The following TTC39B variants were observed in gnomAD, a reference collection of about 807,000 sequenced individuals.
TTC39B encodes the protein tetratricopeptide repeat domain 39B, also known as tetratricopeptide repeat protein 39B.
In TTC39B, 92 loss-of-function variants were observed where a neutral mutation model predicts 96.6. The ratio of observed to expected loss-of-function variants is 0.95; its 90% confidence interval spans 0.80 to 1.13. The LOEUF is 1.13. TTC39B is among the 50% of genes most tolerant of loss of function. The pLI is 0.00. For missense variants in TTC39B, 955 were observed against 809.3 expected, an observed-to-expected ratio of 1.18 and a Z score of -2.18; for synonymous variants, 367 against 299.4, an observed-to-expected ratio of 1.23 and a Z score of -2.33.
chr9:15,260,820 C>CT (rs1041215336), intron 2 of TTC39B, among the ~76,000 whole-genome samples: 2 of 128,898 alleles, frequency 1.6e-5, no homozygotes, highest in African/African-American at 9.1e-5. Context: ...AATTACCTGG[C>CT]TAAAAAAATC....
chr9:15,226,327 A>G (rs1426963352), intron 2 of TTC39B, among the ~76,000 whole-genome samples: 1 of 152,242 alleles, frequency 6.6e-6, no homozygotes, highest in East Asian at 1.9e-4. Context: ...AAGTAAATCT[A>G]TACATATTTT....
In TTC39B at chr9:15,301,085, A is replaced by T. The variant is rs908335162; in HGVS notation, c.240+5999T>A. ...TTCCCGCCCATCTCAACTTCCCCCA[A>T]GGCCTTCCCACTGGGGAGCCCAACA... On this transcript the variant is annotated intron_variant, in intron 1 of 19. Transcript: ENST00000512701. 3.9e-5 allele frequency among the ~76,000 whole-genome samples: 6 copies of T among 151,962 alleles called. No homozygotes were observed. In the East Asian group the frequency reaches 7.7e-4, roughly 20 times the overall value.
chr9:15,299,863 T>C (rs1431644389), intron 1 of TTC39B, among the ~76,000 whole-genome samples: 1 of 152,082 alleles, frequency 6.6e-6, no homozygotes, highest in East Asian at 1.9e-4. Flanking sequence ...GAACTGATAC[T>C]TGTCTGCAGA....
In TTC39B at chr9:15,187,054, C is replaced by T. The variant is rs948561962; in HGVS notation, c.1396-19G>A. The T allele has an allele frequency of 6.3e-7, 1 of 1,591,054 alleles. No individual in the cohort carries two copies. Among genetic ancestry groups the T allele is most frequent in the Non-Finnish European group, 8.6e-7 (1 of 1,163,750 alleles). Reference sequence around the variant, plus strand: ...AAGTTGCCTTGAGAAAAAGAAGGAGCTTATTACAGAACATCCCTAGGTAAA... The same window carrying T: ...AAGTTGCCTTGAGAAAAAGAAGGAGTTTATTACAGAACATCCCTAGGTAAA... On this transcript the variant is annotated intron_variant, in intron 14 of 19. Coordinates refer to ENST00000512701, the Ensembl canonical transcript of TTC39B.
chr9:15,277,854 C>T (rs1458354748), intron 1 of TTC39B, among the ~76,000 whole-genome samples: 3 of 152,220 alleles, frequency 2.0e-5, no homozygotes, highest in African/African-American at 7.2e-5. Flanking sequence ...GTTCAAGCCA[C>T]GTCAATGGGA....
chr9:15,289,488 T>G (rs111493232), intron 1 of TTC39B, among the ~76,000 whole-genome samples: 4 of 152,338 alleles, frequency 2.6e-5, no homozygotes, highest in Non-Finnish European at 5.9e-5. Flanking sequence ...CCCCATTTGC[T>G]TGGTCAGGAG....
intron 6 of TTC39B, among the ~76,000 whole-genome samples, chr9:15,207,845 G>A (rs539024722): frequency 4.0e-5 from 6 of 151,092 alleles, no homozygotes; most frequent in South Asian, 4.3e-4. Context: ...TTAGCCAGGC[G>A]TGGTGGCGGG....
chr9:15,281,918 T>A (rs967053008), intron 1 of TTC39B, among the ~76,000 whole-genome samples: 1 of 152,124 alleles, frequency 6.6e-6, no homozygotes, highest in Non-Finnish European at 1.5e-5. Flanking sequence ...CCTCAAGTGA[T>A]CCACCCACCT....
In TTC39B at chr9:15,201,762, G is replaced by C. The variant is rs145384886; in HGVS notation, c.760-1837C>G. ...TCAAGGACACCTGTAAGGTGCGGGGGGCGGGTAGGGAACATAGAGAGGAGG... is the reference window on the plus strand; with the variant it reads ...TCAAGGACACCTGTAAGGTGCGGGGCGCGGGTAGGGAACATAGAGAGGAGG... On this transcript the variant is annotated intron_variant, in intron 7 of 19. Coordinates refer to ENST00000512701, the Ensembl canonical transcript of TTC39B. 3.8e-3 allele frequency among the ~76,000 whole-genome samples: 576 copies of C among 152,276 alleles called. 2 individuals are homozygous for C. Among genetic ancestry groups the C allele is most frequent in the Non-Finnish European group, 5.8e-3 (392 of 68,018 alleles).
chr9:15,222,781 C>T (rs1820918852), intron 3 of TTC39B, among the ~76,000 whole-genome samples: 1 of 152,200 alleles, frequency 6.6e-6, no homozygotes, highest in African/African-American at 2.4e-5. Context: ...CCCTAGACCC[C>T]TGTTCTGTTT....
At chr9:15,174,769 T>C (rs1415947171) in intron 19 of TTC39B, among the ~76,000 whole-genome samples, 1 of 152,172 alleles carries the variant, frequency 6.6e-6, no homozygotes, top group African/African-American at 2.4e-5. Context: ...TAAAATAAGT[T>C]AGAAATCTTT....
At chr9:15,208,182 G>A (rs959681769) in intron 6 of TTC39B, among the ~76,000 whole-genome samples, 6 of 151,308 alleles carry the variant, frequency 4.0e-5, no homozygotes, top group African/African-American at 1.5e-4. Flanking sequence ...GCGCCACCAT[G>A]CCTGGCTAAT....
At position 15,211,407 on chromosome 9, in the gene TTC39B, A is replaced by T; in HGVS notation, c.483-10T>A. ...CATACTCTCCTTAGCCCTGGGAAGA[A>T]CACAGGGAATTCAGACATTTTAATT... On this transcript the variant is annotated splice_polypyrimidine_tract_variant and intron_variant, in intron 4 of 19. Coordinates refer to ENST00000512701, the Ensembl canonical transcript of TTC39B. The T allele has an allele frequency of 6.8e-7, 1 of 1,472,758 alleles. No homozygotes were observed. Among genetic ancestry groups the T allele is most frequent in the Non-Finnish European group, 9.0e-7 (1 of 1,109,902 alleles). The allele number at this position is 1,472,758 out of a possible 1,614,324, so 91.2% of individuals were successfully genotyped here. A position where few individuals can be genotyped will look rare whatever the true frequency, so the allele number is the denominator to read the frequency against.
chr9:15,285,318 TTTAC>T (rs1387514972), intron 1 of TTC39B, among the ~76,000 whole-genome samples: 1 of 152,008 alleles, frequency 6.6e-6, no homozygotes, highest in Non-Finnish European at 1.5e-5. Context: ...TATTTGTTTG[TTTAC>T]TTTCAGTCTC....
intron 2 of TTC39B, among the ~76,000 whole-genome samples, chr9:15,250,413 GAAAAA>G (rs375036856): frequency 7.1e-6 from 1 of 139,944 alleles, no homozygotes; most frequent in Non-Finnish European, 1.6e-5. Context: ...GGACAATTAA[GAAAAA>G]AAAAAAAGAA....
chr9:15,193,924 G>C (rs1421664356), intron 8 of TTC39B, among the ~76,000 whole-genome samples: 2 of 152,170 alleles, frequency 1.3e-5, no homozygotes, highest in Non-Finnish European at 2.9e-5. Flanking sequence ...CGAATGAAAA[G>C]AGACTAAGGA....
At chr9:15,186,983 T>A (rs1240482667) in exon 15 of TTC39B, 1 of 1,613,638 alleles carries the variant, frequency 6.2e-7, no homozygotes, top group African/African-American at 1.3e-5. Flanking sequence ...TGCTACTACA[T>A]CCTCCTCTGG....
At chr9:15,288,028 T>C (rs1206868698) in intron 1 of TTC39B, among the ~76,000 whole-genome samples, 1 of 151,910 alleles carries the variant, frequency 6.6e-6, no homozygotes, top group Non-Finnish European at 1.5e-5. Context: ...CAAATATAAT[T>C]AGCTATACAA....
chr9:15,225,729 C>G (rs1392733644), intron 3 of TTC39B, among the ~76,000 whole-genome samples, 188 bp downstream of exon 3: 2 of 152,224 alleles, frequency 1.3e-5, no homozygotes, highest in Non-Finnish European at 2.9e-5. Flanking sequence ...CACCTATTCA[C>G]TGAGTCCCTG....
Sources: allele counts gnomAD v4.1 joint callset (sites outside exome capture counted in the v4.1 genomes callset), GRCh38; gene constraint gnomAD v4.1.1; transcripts MANE v1.5; gene names NCBI Gene and HGNC (gene_info 2026-07-23, HGNC 2026-07-21).